Variants in MAP1B observed in about 807,000 individuals in gnomAD.
The protein encoded by MAP1B is microtubule-associated protein 1B.
In MAP1B, 12 loss-of-function variants were observed where a neutral mutation model predicts 176.1. The ratio of observed to expected loss-of-function variants is 0.07; its 90% confidence interval spans 0.04 to 0.11. The LOEUF is 0.11. Among genes scored for constraint, MAP1B ranks in the 10% least tolerant of loss-of-function variants. The probability of loss-of-function intolerance (pLI) is 1.00; values close to 1 mark genes in which losing one functional copy is unlikely to be tolerated. For synonymous variants in MAP1B, 1,044 were observed against 1,135.0 expected (o/e 0.92, Z 1.61); for missense variants, 2,523 against 2,990.5 (o/e 0.84, Z 3.65).
At chr5:72,167,019 T>C (rs1014501597) in intron 2 of MAP1B, among the ~76,000 whole-genome samples, 5 of 52,040 alleles carry the variant, frequency 9.6e-5, no homozygotes, top group South Asian at 8.1e-4. Flanking sequence ...ATTCCTTCTT[T>C]TTTTTTTTTT....
chr5:72,197,834 T>G lies in MAP1B; in HGVS notation c.4479T>G (p.Asp1493Glu). 6.2e-7 allele frequency: 1 copy of G among 1,614,208 alleles called. No homozygotes were observed. The highest frequency in any genetic ancestry group is 8.5e-7 in the Non-Finnish European group (1 of 1,180,034). The change falls in exon 5 of 7, where the codon GAT becomes GAG. Residue 1493 changes from aspartate to glutamate, a missense_variant. This residue lies in a region of MAP1B where 1,925 missense variants were observed against 2,126.0 expected (regional missense o/e 0.91). Coordinates refer to ENST00000296755, the MANE Select transcript of MAP1B (RefSeq NM_005909.5). ...AMSSQPALALDERKLGDVSPT... is the reference protein window; with the variant it reads ...AMSSQPALALEERKLGDVSPT... ...GTTCTCAACCAGCACTGGCTCTGGA[T>G]GAAAGGAAATTAGGAGATGTTTCTC...
intron 4 of MAP1B, among the ~76,000 whole-genome samples, chr5:72,193,504 C>T (rs1212111513): frequency 1.3e-5 from 2 of 151,968 alleles, no homozygotes; most frequent in Non-Finnish European, 2.9e-5. Flanking sequence ...GTTTCATAAC[C>T]ACTGCAGCAC....
chr5:72,169,004 C>A (rs1230135069), intron 2 of MAP1B, among the ~76,000 whole-genome samples: 1 of 152,178 alleles, frequency 6.6e-6, no homozygotes, highest in African/African-American at 2.4e-5. Context: ...CAACGGTACT[C>A]ATCTTAAAAC....
At chr5:72,144,550 C>CGTGA (rs1746011673) in intron 2 of MAP1B, among the ~76,000 whole-genome samples, 2 of 152,066 alleles carry the variant, frequency 1.3e-5, no homozygotes, top group South Asian at 4.1e-4. Context: ...TCCACCATCA[C>CGTGA]GCCCAGCTAA....
chr5:72,196,682 G>A lies in MAP1B; in HGVS notation c.3327G>A (p.Gln1109=), dbSNP rs753939566. 1 of 1,614,072 alleles carries A rather than the reference G, an allele frequency of 6.2e-7. No homozygotes were observed. Among genetic ancestry groups the A allele is most frequent in the Non-Finnish European group, 8.5e-7 (1 of 1,180,022 alleles). ...CTGATGAGGAGAATCGAGAAGACCA[G>A]CCTGAGGAATTCACTGCCACCTCTG... ...TASDEENRED[Q]PEEFTATSGY... is the part of the protein sequence containing the mutation. Residue 1109 remains glutamine (Q), a synonymous_variant, in exon 5 of 7, where the codon CAG becomes CAA. Transcript: ENST00000296755. The surrounding 1 kb of genome is among the most constrained non-coding windows in gnomAD (Gnocchi z 5.3).
rs541255846 is a variant in MAP1B, at chr5:72,122,268, C to T, written c.286+6469C>T. ...CAGGGAACAGAGTGATCGGCAGCTC[C>T]TCATGCTGTCCGCTCTCACCCCAGT... is the stretch of plus-strand genomic sequence containing the variant. On this transcript the variant is annotated intron_variant, in intron 2 of 6. Transcript: ENST00000296755. 2.6e-5 allele frequency among the ~76,000 whole-genome samples: 4 copies of T among 152,202 alleles called. No homozygotes were observed. The South Asian group carries it at 8.3e-4, about 32-fold the overall frequency.
chr5:72,108,588 G>C (rs1247870818), intron 1 of MAP1B, among the ~76,000 whole-genome samples: 1 of 152,188 alleles, frequency 6.6e-6, no homozygotes, highest in African/African-American at 2.4e-5. Context: ...GGGCGGGGCC[G>C]TGAGGGTCCG....
At chr5:72,113,966 C>T (rs1745387102) in intron 1 of MAP1B, among the ~76,000 whole-genome samples, 1 of 152,192 alleles carries the variant, frequency 6.6e-6, no homozygotes, top group East Asian at 1.9e-4. Context: ...TCAAATACTC[C>T]ATTAGCACAA....
At chr5:72,111,423 A>T (rs111403617) in intron 1 of MAP1B, among the ~76,000 whole-genome samples, 6,952 of 152,296 alleles carry the variant, frequency 0.046, 201 homozygotes, top group Middle Eastern at 0.071. Flanking sequence ...GCATTTTTAG[A>T]TAAAAGTTTA....
intron 2 of MAP1B, among the ~76,000 whole-genome samples, chr5:72,180,973 A>G (rs1199343027): frequency 6.6e-6 from 1 of 152,174 alleles, no homozygotes; most frequent in Non-Finnish European, 1.5e-5. Context: ...CCGGGTCCAA[A>G]TCCTGGCTTG....
rs532940540 is a variant in MAP1B, at chr5:72,197,552, C to T, written c.4197C>T (p.Arg1399=). Residue 1399 remains arginine, a synonymous_variant, in exon 5 of 7, where the codon CGC becomes CGT. Transcript: ENST00000296755. ...TTGAAAAAGTTTTGTCTCCTTTACG[C>T]AGCCCGCCCCTCATTGGATCCGAGT... ...SPIEKVLSPL[R]SPPLIGSESA... 13 of 1,614,194 alleles carry T rather than the reference C, an allele frequency of 8.1e-6. No homozygotes were observed. The African/African-American group carries it at 1.3e-4, about 17-fold the overall frequency.
At chr5:72,202,817 T>C (rs1382163535) in intron 5 of MAP1B, among the ~76,000 whole-genome samples, 1 of 152,240 alleles carries the variant, frequency 6.6e-6, no homozygotes, top group Non-Finnish European at 1.5e-5. Flanking sequence ...TTCCCAGACC[T>C]TTGTGATTTG....
chr5:72,170,101 G>T (rs943699203), intron 2 of MAP1B, among the ~76,000 whole-genome samples: 12 of 152,216 alleles, frequency 7.9e-5, no homozygotes, highest in African/African-American at 2.9e-4. Flanking sequence ...TTAGATTCCT[G>T]TTAGTGGAAA....
intron 2 of MAP1B, among the ~76,000 whole-genome samples, chr5:72,155,322 A>C (rs957993743): frequency 1.3e-5 from 2 of 152,200 alleles, no homozygotes; most frequent in African/African-American, 4.8e-5. Context: ...CTGAGGAGCC[A>C]TTGGTGGTTC....
Position 72,194,524 on chromosome 5 carries a change from A to G in MAP1B, c.1169A>G (p.Lys390Arg), listed in dbSNP as rs1157898688. 2 of 1,614,108 alleles carry G rather than the reference A, an allele frequency of 1.2e-6. No individual in the cohort carries two copies. Among genetic ancestry groups the G allele is most frequent in the Admixed American group, 3.3e-5 (2 of 60,022 alleles). ...TGCTTCACTCTCCAGTACCTAAACAAATTGTCCATGAAACCAGAACCTCTG... is the reference window on the plus strand; with the variant it reads ...TGCTTCACTCTCCAGTACCTAAACAGATTGTCCATGAAACCAGAACCTCTG... ...EACFTLQYLNKLSMKPEPLFR... is the reference protein window; with the variant it reads ...EACFTLQYLNRLSMKPEPLFR... Residue 390 changes from lysine (K) to arginine (R), a missense_variant, in exon 5 of 7, where the codon AAA becomes AGA. By Grantham distance (26) the Lys-to-Arg change is conservative. Coordinates refer to ENST00000296755, the MANE Select transcript of MAP1B (RefSeq NM_005909.5). This position sits in a 1 kb window ranked among gnomAD's most constrained non-coding sequence, Gnocchi z 7.2.
At chr5:72,134,031 A>G (rs942145147) in intron 2 of MAP1B, among the ~76,000 whole-genome samples, 2 of 152,208 alleles carry the variant, frequency 1.3e-5, no homozygotes, top group Admixed American at 6.5e-5. Context: ...AAAGTGTCAC[A>G]TGCATTCTTA....
chr5:72,123,968 C>CAG (rs1745577013), intron 2 of MAP1B, among the ~76,000 whole-genome samples: 1 of 151,972 alleles, frequency 6.6e-6, no homozygotes, highest in African/African-American at 2.4e-5. Flanking sequence ...GTATATGTGT[C>CAG]AGAGAGAGAG....
rs1747291746 is a variant in MAP1B, at chr5:72,199,914, A to G, written c.6559A>G (p.Ile2187Val). 1 of 1,613,972 alleles carries G rather than the reference A, an allele frequency of 6.2e-7. No homozygotes were observed. Among genetic ancestry groups the G allele is most frequent in the Admixed American group, 1.7e-5 (1 of 59,998 alleles). ...CGACTCTGAAGACGAGTCGGAAACC[A>G]TCCCCACAGACAAAACTGTCACGTA... Reference protein sequence around the residue: ...NIDSEDESETIPTDKTVTYKH... With the variant: ...NIDSEDESETVPTDKTVTYKH... The change falls in exon 5 of 7, where the codon ATC becomes GTC. Residue 2187 changes from isoleucine to valine, a missense_variant. By Grantham distance (29) the Ile-to-Val change is conservative. This residue lies in a region of MAP1B where 287 missense variants were observed against 401.5 expected (regional missense o/e 0.71). Transcript: ENST00000296755. The surrounding 1 kb of genome is among the most constrained non-coding windows in gnomAD (Gnocchi z 4.2).
At position 72,115,805 on chromosome 5, in the gene MAP1B, G is replaced by A; in HGVS notation, c.286+6G>A. ...ATTCTCTCCTGAAGTCCCAGGTGAG[G>A]CTTCCGCTCAGTGTTGGTCAGCCTA... On this transcript the variant is annotated splice_donor_region_variant and intron_variant, in intron 2 of 6. Transcript: ENST00000296755. 6.3e-7 allele frequency: 1 copy of A among 1,596,838 alleles called. No individual in the cohort carries two copies. The highest frequency in any genetic ancestry group is 8.6e-7 in the Non-Finnish European group (1 of 1,164,278).
Sources: allele counts gnomAD v4.1 joint callset (sites outside exome capture counted in the v4.1 genomes callset), GRCh38; gene constraint gnomAD v4.1.1; regional missense constraint gnomAD v4.1.1; non-coding constraint Gnocchi (gnomAD v3.1); transcripts MANE v1.5; gene names NCBI Gene and HGNC (gene_info 2026-07-23, HGNC 2026-07-21).